The following RALYL variants were observed in gnomAD, a reference collection of about 807,000 sequenced individuals.
The protein encoded by RALYL is RNA-binding Raly-like protein.
In RALYL, 29 loss-of-function variants were observed where a neutral mutation model predicts 35.1. The ratio of observed to expected loss-of-function variants is 0.83; its 90% CI spans 0.61 to 1.13. RALYL has a LOEUF of 1.13. Among genes scored for constraint, RALYL ranks in the 50% most tolerant of loss-of-function variants. The pLI is 0.00. For synonymous variants in RALYL, 120 were observed against 127.6 expected, an observed-to-expected ratio of 0.94 and a Z score of 0.40; for missense variants, 359 against 360.4, an observed-to-expected ratio of 1.00 and a Z score of 0.03.
chr8:84,767,160 T>A (rs1313948507), intron 2 of RALYL, among the ~76,000 whole-genome samples: 1 of 152,226 alleles, frequency 6.6e-6, no homozygotes, highest in Non-Finnish European at 1.5e-5. Context: ...GTTACATGGC[T>A]GGTTAGTATT....
At chr8:84,635,896 A>G (rs1824962583) in intron 2 of RALYL, among the ~76,000 whole-genome samples, 1 of 151,796 alleles carries the variant, frequency 6.6e-6, no homozygotes, top group Non-Finnish European at 1.5e-5. Context: ...ACAATATGTG[A>G]ACTTACAGTA....
chr8:84,680,289 G>T (rs1835154032), intron 2 of RALYL, among the ~76,000 whole-genome samples: 1 of 152,092 alleles, frequency 6.6e-6, no homozygotes, highest in African/African-American at 2.4e-5. Flanking sequence ...TTGCTATTGT[G>T]AATAGTGCCC....
At chr8:84,428,003 A>G (rs1261053416) in intron 1 of RALYL, among the ~76,000 whole-genome samples, 1 of 151,970 alleles carries the variant, frequency 6.6e-6, no homozygotes, top group Non-Finnish European at 1.5e-5. Context: ...CCTTACCTGT[A>G]AAATAAAGAT....
At chr8:84,535,618 T>G (rs2059553302) in intron 2 of RALYL, among the ~76,000 whole-genome samples, 1 of 149,744 alleles carries the variant, frequency 6.7e-6, no homozygotes, top group Admixed American at 6.7e-5. Context: ...TTATTTTATT[T>G]TATTTTATTT....
intron 2 of RALYL, among the ~76,000 whole-genome samples, chr8:84,532,702 C>T (rs76091760): frequency 7.4e-4 from 113 of 152,018 alleles, no homozygotes; most frequent in African/African-American, 2.6e-3. Flanking sequence ...ATTTGTACAT[C>T]ATTTTCTGAA....
intron 2 of RALYL, among the ~76,000 whole-genome samples, chr8:84,568,412 G>A (rs1262712377): frequency 1.3e-5 from 2 of 151,646 alleles, no homozygotes; most frequent in African/African-American, 2.4e-5. Context: ...GTATTCCATG[G>A]TGTGTATGTG....
intron 1 of RALYL, among the ~76,000 whole-genome samples, chr8:84,336,021 T>A (rs949358730): frequency 6.6e-6 from 1 of 152,162 alleles, no homozygotes; most frequent in South Asian, 2.1e-4. Flanking sequence ...ATCCCAATAG[T>A]CTGGCATATG....
intron 2 of RALYL, among the ~76,000 whole-genome samples, chr8:84,733,572 G>A (rs1435371095): frequency 6.6e-6 from 1 of 152,244 alleles, no homozygotes; most frequent in African/African-American, 2.4e-5. Context: ...ATAATAACAT[G>A]TCATTTATAA....
intron 2 of RALYL, among the ~76,000 whole-genome samples, chr8:84,594,234 G>A (rs1448761817): frequency 6.6e-6 from 1 of 151,956 alleles, no homozygotes; most frequent in Non-Finnish European, 1.5e-5. Context: ...ACTTAATAGT[G>A]TAGTTCACTT....
intron 1 of RALYL, among the ~76,000 whole-genome samples, chr8:84,482,227 T>G (rs766550354): frequency 2.6e-5 from 4 of 152,050 alleles, no homozygotes; most frequent in Non-Finnish European, 4.4e-5. Flanking sequence ...TTTGTTTAAT[T>G]TTTTCAAATG....
At chr8:84,617,306 A>G (rs139058847) in intron 2 of RALYL, among the ~76,000 whole-genome samples, 42,613 of 151,212 alleles carry the variant, frequency 0.28, 6,873 homozygotes, top group African/African-American at 0.4. Flanking sequence ...GAGGTCCTTC[A>G]CATCCCTTGT....
intron 1 of RALYL, among the ~76,000 whole-genome samples, chr8:84,243,402 C>T (rs1828394502): frequency 6.6e-6 from 1 of 150,462 alleles, no homozygotes; most frequent in East Asian, 2.0e-4. Context: ...AACATTGAAT[C>T]TATAAATTAC....
intron 4 of RALYL, among the ~76,000 whole-genome samples, chr8:84,813,561 C>A (rs1826407687): frequency 1.3e-5 from 2 of 152,160 alleles, no homozygotes; most frequent in South Asian, 4.2e-4. Context: ...CCACAGCACA[C>A]CTCACTCACA....
chr8:84,628,924 C>G (rs1745121930), intron 2 of RALYL, among the ~76,000 whole-genome samples: 1 of 151,978 alleles, frequency 6.6e-6, no homozygotes, highest in Non-Finnish European at 1.5e-5. Flanking sequence ...GGAGGATAAT[C>G]TTTTGAAACA....
intron 2 of RALYL, among the ~76,000 whole-genome samples, chr8:84,700,938 AG>A (rs2132307202): frequency 6.6e-6 from 1 of 152,296 alleles, no homozygotes; most frequent in African/African-American, 2.4e-5. Flanking sequence ...ACCTGAGGAA[AG>A]TATTCATATA....
chr8:84,302,757 G>A (rs1301161973), intron 1 of RALYL, among the ~76,000 whole-genome samples: 1 of 152,156 alleles, frequency 6.6e-6, no homozygotes, highest in African/African-American at 2.4e-5. Flanking sequence ...GGATCTGCAG[G>A]GGAGTTTAAT....
intron 7 of RALYL, among the ~76,000 whole-genome samples, chr8:84,880,524 A>G (rs1841996209): frequency 6.6e-6 from 1 of 151,930 alleles, no homozygotes; most frequent in Non-Finnish European, 1.5e-5. Flanking sequence ...CTACCATAGC[A>G]GTGTTGCCAA....
chr8:84,913,028 A>AGGTAGG (rs1563856294), intron 8 of RALYL, among the ~76,000 whole-genome samples: 2 of 77,602 alleles, frequency 2.6e-5, no homozygotes, highest in East Asian at 3.7e-4. Flanking sequence ...GGATGGATGG[A>AGGTAGG]TGGATAGGTA....
At chr8:84,281,360 T>C (rs1836518908) in intron 1 of RALYL, among the ~76,000 whole-genome samples, 1 of 152,150 alleles carries the variant, frequency 6.6e-6, no homozygotes, top group African/African-American at 2.4e-5. Flanking sequence ...ATGGAGTATT[T>C]TATATCTCCT....
Sources: gnomAD v4.1 joint callset for allele counts (sites outside exome capture counted in the v4.1 genomes callset) on GRCh38, gnomAD v4.1.1 for gene constraint, MANE v1.5 for transcripts, NCBI Gene and HGNC (gene_info 2026-07-23, HGNC 2026-07-21) for gene names.